The following ARHGEF12 variants were observed in gnomAD, a reference collection of about 807,000 sequenced individuals.
ARHGEF12 encodes the protein KMT2A/ARHGEF12 fusion protein.
ARHGEF12 carries 66 observed loss-of-function variants against 211.2 expected under a neutral mutation model. That is an observed-to-expected ratio of 0.31 (90% CI 0.26 to 0.38). ARHGEF12 has a LOEUF of 0.38. Ranked by LOEUF, ARHGEF12 falls within the 10% of genes least tolerant of loss-of-function variation. The probability of loss-of-function intolerance (pLI) is 1.00; values close to 1 mark genes in which losing one functional copy is unlikely to be tolerated. For synonymous variants in ARHGEF12, 592 were observed against 638.4 expected (o/e 0.93, Z 1.09); for missense variants, 1,429 against 1,869.5 (o/e 0.76, Z 4.34).
intron 25 of ARHGEF12, 99 bp from the exon 26 acceptor site, chr11:120,459,075 T>A: frequency 1.1e-6 from 1 of 929,384 alleles, no homozygotes; most frequent in Non-Finnish European, 1.4e-6. Flanking sequence ...AATAATTTAT[T>A]ATATAATTCA....
At chr11:120,452,344 G>A (rs1485621570) in intron 22 of ARHGEF12, among the ~76,000 whole-genome samples, 2 of 152,138 alleles carry the variant, frequency 1.3e-5, no homozygotes, top group Admixed American at 1.3e-4. Flanking sequence ...GAAGAGTAAA[G>A]AAAGATATGA....
chr11:120,480,443 C>A lies in ARHGEF12; in HGVS notation c.4237+13C>A. ...TTACGCATCTCAGGCAAGTATCTTT[C>A]ACACTTAAACTTTGATTTTGATTTT... is the stretch of plus-strand genomic sequence containing the variant. On this transcript the variant is annotated intron_variant, in intron 38 of 40. Transcript: ENST00000397843. 1 of 1,586,974 alleles carries A rather than the reference C, an allele frequency of 6.3e-7. No homozygotes were observed. Among genetic ancestry groups the A allele is most frequent in the Non-Finnish European group, 8.6e-7 (1 of 1,167,006 alleles).
chr11:120,468,480 G>A lies in ARHGEF12; in HGVS notation c.2855-808G>A, dbSNP rs563115990. ...TTTTGTTTTTTTGAGACGGAGTCTC[G>A]CTCTGTCGCCCAGGCTGGAGTGAAG... On this transcript the variant is annotated intron_variant, in intron 29 of 40. Coordinates refer to ENST00000397843, the MANE Select transcript of ARHGEF12 (RefSeq NM_015313.3). 3.9e-5 allele frequency among the ~76,000 whole-genome samples: 6 copies of A among 152,070 alleles called. 1 individual carries two copies. The South Asian group carries it at 6.2e-4, about 16-fold the overall frequency.
chr11:120,356,357 A>G (rs991398869), intron 1 of ARHGEF12, among the ~76,000 whole-genome samples: 1 of 152,228 alleles, frequency 6.6e-6, no homozygotes, highest in African/African-American at 2.4e-5. Context: ...GGTGGCTAGG[A>G]TTACAGGTGT....
At chr11:120,423,447 A>C (rs496293) in intron 6 of ARHGEF12, among the ~76,000 whole-genome samples, 2 of 152,178 alleles carry the variant, frequency 1.3e-5, no homozygotes, top group African/African-American at 4.8e-5. Context: ...TCGTGTGTAC[A>C]GGGAAATTTG....
At chr11:120,363,228 TTAAC>T (rs1356557907) in intron 1 of ARHGEF12, among the ~76,000 whole-genome samples, 1 of 152,268 alleles carries the variant, frequency 6.6e-6, no homozygotes, top group Non-Finnish European at 1.5e-5. Context: ...ATTTCCTGCT[TTAAC>T]TATTCTTTTC....
rs1946452103 is a variant in ARHGEF12 at position 120,459,257 on chromosome 11, A to G, written c.2464A>G (p.Ile822Val). The G allele has an allele frequency of 6.2e-7, 1 of 1,613,708 alleles. No individual in the cohort carries two copies. Among genetic ancestry groups the G allele is most frequent in the Non-Finnish European group, 8.5e-7 (1 of 1,179,808 alleles). The change falls in exon 26 of 41, where the codon ATT becomes GTT. Residue 822 changes from isoleucine to valine, a missense_variant. Coordinates refer to ENST00000397843, the MANE Select transcript of ARHGEF12 (RefSeq NM_015313.3). ...CTATCAGCGAGTATCCAGAGAAGGAATTCTGTCACCCTCAGAGCTACGGAA... is the reference window on the plus strand; with the variant it reads ...CTATCAGCGAGTATCCAGAGAAGGAGTTCTGTCACCCTCAGAGCTACGGAA... ...VFYQRVSREG[I>V]LSPSELRKIF...
intron 7 of ARHGEF12, among the ~76,000 whole-genome samples, chr11:120,424,690 T>C (rs1486171576): frequency 6.6e-6 from 1 of 152,232 alleles, no homozygotes; most frequent in Non-Finnish European, 1.5e-5. Context: ...AAGGAAAATC[T>C]GAGGTGAAAA....
chr11:120,460,582 A>C, intron 26 of ARHGEF12, 90 bp from the exon 27 acceptor site: 1 of 1,043,358 alleles, frequency 9.6e-7, no homozygotes, highest in East Asian at 2.4e-5. Context: ...AATCGTCTTT[A>C]TAAAAAAAAA....
intron 4 of ARHGEF12, among the ~76,000 whole-genome samples, chr11:120,416,812 C>T (rs1945041280): frequency 1.3e-5 from 2 of 152,070 alleles, no homozygotes; most frequent in Non-Finnish European, 2.9e-5. Flanking sequence ...CCACCACGCA[C>T]AGCTAGTTTT....
At chr11:120,405,340 C>T (rs1944667979) in intron 1 of ARHGEF12, among the ~76,000 whole-genome samples, 2 of 152,004 alleles carry the variant, frequency 1.3e-5, no homozygotes, top group Admixed American at 1.3e-4. Context: ...CTTAGATTAG[C>T]ATTTATATAT....
At chr11:120,348,836 C>T (rs565843114) in intron 1 of ARHGEF12, among the ~76,000 whole-genome samples, 3 of 151,972 alleles carry the variant, frequency 2.0e-5, no homozygotes, top group Middle Eastern at 3.4e-3. Context: ...AGCAAAACAC[C>T]GTCTCAAAAA....
At chr11:120,448,029 G>A in intron 19 of ARHGEF12, 123 bp downstream of exon 19, 2 of 861,480 alleles carry the variant, frequency 2.3e-6, no homozygotes, top group Non-Finnish European at 3.5e-6. Flanking sequence ...GTCTCTCTCT[G>A]GTGGCTTGTA....
intron 1 of ARHGEF12, among the ~76,000 whole-genome samples, chr11:120,347,132 TTTCCTTCCTTCC>T (rs71050738): frequency 1.6e-4 from 19 of 115,580 alleles, no homozygotes; most frequent in African/African-American, 2.1e-4. Flanking sequence ...TCTTTCTTTC[TTTCCTTCCTTCC>T]TTCCTTCCTT....
At chr11:120,451,826 TTTAA>T in intron 22 of ARHGEF12, 102 bp downstream of exon 22, 1 of 1,065,316 alleles carries the variant, frequency 9.4e-7, no homozygotes, top group Non-Finnish European at 1.4e-6. Context: ...TAAATCCCAG[TTTAA>T]TTTAATTTTG....
At chr11:120,432,328 C>G (rs1945572074) in intron 11 of ARHGEF12, among the ~76,000 whole-genome samples, 1 of 152,182 alleles carries the variant, frequency 6.6e-6, no homozygotes, top group South Asian at 2.1e-4. Flanking sequence ...AACCTCAGTC[C>G]TGTTAGATAG....
intron 22 of ARHGEF12, among the ~76,000 whole-genome samples, chr11:120,454,444 T>C (rs538505269): frequency 1.6e-4 from 25 of 152,304 alleles, no homozygotes; most frequent in African/African-American, 6.0e-4. Flanking sequence ...ATAGGGAGCA[T>C]TCAGAGACAA....
intron 34 of ARHGEF12, 98 bp from the exon 35 acceptor site, chr11:120,477,118 TTGG>T: frequency 2.7e-6 from 2 of 738,020 alleles, no homozygotes; most frequent in South Asian, 1.7e-5. Flanking sequence ...GTTGTTGTTG[TTGG>T]TTGATTTGGT....
intron 26 of ARHGEF12, among the ~76,000 whole-genome samples, chr11:120,459,639 A>G (rs1160914600): frequency 6.6e-6 from 1 of 152,128 alleles, no homozygotes; most frequent in African/African-American, 2.4e-5. Flanking sequence ...CAATATAATA[A>G]TATACGTATA....
Sources: gnomAD v4.1 joint callset for allele counts (sites outside exome capture counted in the v4.1 genomes callset) on GRCh38, gnomAD v4.1.1 for gene constraint, MANE v1.5 for transcripts, NCBI Gene and HGNC (gene_info 2026-07-23, HGNC 2026-07-21) for gene names.